RYR3: variants seen among roughly 807,000 people sequenced by gnomAD.
RYR3 encodes brain ryanodine receptor-calcium release channel.
In RYR3, 207 loss-of-function variants were observed where a neutral mutation model predicts 584.3. The ratio of observed to expected loss-of-function variants is 0.35; its 90% CI spans 0.32 to 0.40. The LOEUF (loss-of-function observed/expected upper bound fraction) is 0.40, where lower values mean the gene tolerates loss of function less well. RYR3 is among the 10% of genes least tolerant of loss of function. The pLI, the probability that RYR3 is intolerant of heterozygous loss-of-function variation, is 1.00. For missense variants in RYR3, 5,616 were observed against 6,089.2 expected, an observed-to-expected ratio of 0.92 and a Z score of 2.59; for synonymous variants, 2,416 against 2,248.5, an observed-to-expected ratio of 1.07 and a Z score of -2.11.
At chr15:33,740,386 C>T (rs2069962634) in intron 51 of RYR3, among the ~76,000 whole-genome samples, 1 of 152,158 alleles carries the variant, frequency 6.6e-6, no homozygotes, top group Non-Finnish European at 1.5e-5. Context: ...ACAACAGCTC[C>T]ATAAATAACA....
At chr15:33,588,814 T>TTG (rs35580473) in intron 16 of RYR3, among the ~76,000 whole-genome samples, 24 of 151,796 alleles carry the variant, frequency 1.6e-4, no homozygotes, top group South Asian at 1.0e-3. Flanking sequence ...CAGTATTCCA[T>TTG]TGTGTGTGTG....
chr15:33,323,355 GC>G (rs945833332), intron 1 of RYR3, among the ~76,000 whole-genome samples: 1 of 152,070 alleles, frequency 6.6e-6, no homozygotes, highest in African/African-American at 2.4e-5. Flanking sequence ...TGATCCGCCT[GC>G]CCCGGCCTCC....
intron 1 of RYR3, among the ~76,000 whole-genome samples, chr15:33,431,493 T>G (rs1280470698): frequency 6.6e-6 from 1 of 152,192 alleles, no homozygotes; most frequent in Non-Finnish European, 1.5e-5. Flanking sequence ...CTGGGCACAG[T>G]GGCTCACACC....
At chr15:33,591,885 G>C (rs1215931668) in intron 16 of RYR3, among the ~76,000 whole-genome samples, 1 of 152,178 alleles carries the variant, frequency 6.6e-6, no homozygotes, top group Admixed American at 6.5e-5. Context: ...AAAAAATATA[G>C]TTAGCATTTG....
intron 1 of RYR3, among the ~76,000 whole-genome samples, chr15:33,329,578 A>C (rs1034014602): frequency 7.2e-5 from 11 of 151,824 alleles, no homozygotes; most frequent in African/African-American, 2.7e-4. Context: ...ACTTTTGAGC[A>C]TCTTTGTCGA....
chr15:33,374,653 T>TA (rs928188764), intron 1 of RYR3, among the ~76,000 whole-genome samples: 1 of 152,146 alleles, frequency 6.6e-6, no homozygotes, highest in African/African-American at 2.4e-5. Context: ...CATTGGGGTT[T>TA]AAAAAAATGA....
At chr15:33,840,986 G>C (rs905354086) in intron 90 of RYR3, 103 bp downstream of exon 90, 5 of 1,027,716 alleles carry the variant, frequency 4.9e-6, no homozygotes, top group South Asian at 1.4e-5. Flanking sequence ...GAGAGGCTGA[G>C]GCTGGAGGAT....
intron 1 of RYR3, among the ~76,000 whole-genome samples, chr15:33,456,679 G>C (rs1438636445): frequency 6.6e-6 from 1 of 152,142 alleles, no homozygotes; most frequent in Non-Finnish European, 1.5e-5. Flanking sequence ...CAAAGCATGA[G>C]AAATGGGGCC....
At chr15:33,478,968 A>G (rs1196435077) in intron 2 of RYR3, among the ~76,000 whole-genome samples, 1 of 152,242 alleles carries the variant, frequency 6.6e-6, no homozygotes, top group African/African-American at 2.4e-5. Flanking sequence ...GGCTGTAGGT[A>G]TGTAACAGTG....
chr15:33,506,839 T>C lies in RYR3; in HGVS notation c.279+3101T>C, dbSNP rs2052529151. 5.3e-5 allele frequency among the ~76,000 whole-genome samples: 8 copies of C among 152,310 alleles called. No homozygotes were observed. The South Asian group carries it at 1.7e-3, about 32-fold the overall frequency. On this transcript the variant is annotated intron_variant, in intron 3 of 103. Coordinates refer to ENST00000634891, the MANE Select transcript of RYR3 (RefSeq NM_001036.6). ...ACTGTACACATTTACTATTGGTATT[T>C]AATTTGATTTTAGAAGAAAATATTC...
chr15:33,487,201 G>GGA (rs2050512430), intron 2 of RYR3, among the ~76,000 whole-genome samples: 1 of 144,530 alleles, frequency 6.9e-6, no homozygotes. Flanking sequence ...CCATCTCAAA[G>GGA]AAAAAAAAAA....
intron 1 of RYR3, among the ~76,000 whole-genome samples, chr15:33,430,793 T>C (rs1479383673): frequency 6.6e-6 from 1 of 152,218 alleles, no homozygotes; most frequent in African/African-American, 2.4e-5. Flanking sequence ...GCTGGCTAGG[T>C]GCCAGGAATT....
At chr15:33,566,399 C>T (rs772190331) in intron 11 of RYR3, among the ~76,000 whole-genome samples, 46 of 152,252 alleles carry the variant, frequency 3.0e-4, no homozygotes, top group Non-Finnish European at 6.2e-4. Context: ...TGTTATCGCC[C>T]TTTCAAATCT....
intron 2 of RYR3, among the ~76,000 whole-genome samples, chr15:33,494,493 T>C (rs866384331): frequency 1.3e-5 from 2 of 152,174 alleles, no homozygotes; most frequent in Admixed American, 6.5e-5. Flanking sequence ...TTTCCACCAC[T>C]GTCAGTTCTC....
At chr15:33,422,692 C>T (rs2044324618) in intron 1 of RYR3, among the ~76,000 whole-genome samples, 1 of 151,980 alleles carries the variant, frequency 6.6e-6, no homozygotes, top group Non-Finnish European at 1.5e-5. Flanking sequence ...TCTTCTGTAT[C>T]GTGGGGCCAT....
At chr15:33,468,671 T>C (rs930260552) in intron 1 of RYR3, among the ~76,000 whole-genome samples, 4 of 152,242 alleles carry the variant, frequency 2.6e-5, no homozygotes, top group Non-Finnish European at 5.9e-5. Flanking sequence ...TCTGCTCTAA[T>C]AGAGTTTATA....
chr15:33,823,817 A>G (rs2077233561), intron 81 of RYR3, among the ~76,000 whole-genome samples: 1 of 152,226 alleles, frequency 6.6e-6, no homozygotes, highest in Non-Finnish European at 1.5e-5. Flanking sequence ...AGATAATTCT[A>G]AAAGAAATTA....
At chr15:33,680,755 A>C (rs888979414) in intron 38 of RYR3, among the ~76,000 whole-genome samples, 10 of 152,372 alleles carry the variant, frequency 6.6e-5, no homozygotes, top group Admixed American at 5.9e-4. Context: ...AAAACTGTGC[A>C]AAAGCAGGGT....
At chr15:33,732,148 G>A (rs2069009421) in intron 48 of RYR3, among the ~76,000 whole-genome samples, 1 of 151,884 alleles carries the variant, frequency 6.6e-6, no homozygotes, top group South Asian at 2.1e-4. Flanking sequence ...TTGGGAGGCC[G>A]AGGTGGGCAG....
Sources: allele counts gnomAD v4.1 joint callset (sites outside exome capture counted in the v4.1 genomes callset), GRCh38; gene constraint gnomAD v4.1.1; transcripts MANE v1.5; gene names NCBI Gene and HGNC (gene_info 2026-07-23, HGNC 2026-07-21).